The following AAGAB variants were observed in gnomAD, a reference collection of about 807,000 sequenced individuals.
AAGAB encodes the protein alpha- and gamma-adaptin-binding protein p34.
AAGAB carries 38 observed loss-of-function variants against 44.1 expected under a neutral mutation model. The ratio of observed to expected loss-of-function variants is 0.86; its 90% CI spans 0.67 to 1.13. AAGAB has a LOEUF of 1.13. Ranked by LOEUF, AAGAB falls within the 50% of genes most tolerant of loss-of-function variation. AAGAB has a pLI of 0.00. For missense variants in AAGAB, 450 were observed against 373.8 expected (o/e 1.20, Z -1.68); for synonymous variants, 131 against 131.8 (o/e 0.99, Z 0.04).
At chr15:67,251,233 T>C (rs1023782663) in intron 1 of AAGAB, among the ~76,000 whole-genome samples, 4 of 144,846 alleles carry the variant, frequency 2.8e-5, no homozygotes, top group Non-Finnish European at 6.0e-5. Flanking sequence ...TGTGTGTGTG[T>C]GTCTGTGTGT....
intron 5 of AAGAB, among the ~76,000 whole-genome samples, chr15:67,229,886 C>T (rs1056355097): frequency 6.6e-6 from 1 of 151,994 alleles, no homozygotes; most frequent in Non-Finnish European, 1.5e-5. Flanking sequence ...CTTGCTCTGT[C>T]GCCAGACTGG....
chr15:67,247,538 T>C (rs982914587), intron 1 of AAGAB, among the ~76,000 whole-genome samples: 1 of 152,218 alleles, frequency 6.6e-6, no homozygotes, highest in Non-Finnish European at 1.5e-5. Context: ...ATTTTCTGTA[T>C]CATAAGTGGT....
At chr15:67,254,868 C>T (rs752444584), upstream of AAGAB, 24 of 1,610,610 alleles carry the variant, frequency 1.5e-5, no homozygotes, top group Non-Finnish European at 1.6e-5. Flanking sequence ...ACCGCGCCTC[C>T]GCGGAGGTAG....
chr15:67,224,585 C>CT (rs892410820), intron 5 of AAGAB, among the ~76,000 whole-genome samples: 3,138 of 138,746 alleles, frequency 0.023, 89 homozygotes, highest in East Asian at 0.071. Context: ...TTTTTCTTTT[C>CT]TTTTTTTTTT....
In AAGAB at chr15:67,217,850, A is replaced by C. The variant is rs148834087; in HGVS notation, c.536-8306T>G. Among the ~76,000 whole-genome samples the C allele has an allele frequency of 2.7e-3, 411 of 152,328 alleles. 3 individuals are homozygous for C. The highest frequency in any genetic ancestry group is 9.4e-3 in the African/African-American group (390 of 41,582). On this transcript the variant is annotated intron_variant, in intron 5 of 9. Coordinates refer to ENST00000261880, the MANE Select transcript of AAGAB (RefSeq NM_024666.5). ...CACACCCAGCAGGTACACATTTCTT[A>C]GCCACTGCTCTGTACAGCAGGTGCA...
intron 1 of AAGAB, among the ~76,000 whole-genome samples, chr15:67,253,167 G>C (rs988417760): frequency 6.7e-6 from 1 of 150,182 alleles, no homozygotes; most frequent in Non-Finnish European, 1.5e-5. Flanking sequence ...ACTCACACCT[G>C]TAATCCCAGC....
At chr15:67,222,228 G>GCACA (rs1368084831) in intron 5 of AAGAB, among the ~76,000 whole-genome samples, 1 of 88,474 alleles carries the variant, frequency 1.1e-5, no homozygotes, top group African/African-American at 4.1e-5. Flanking sequence ...GCATGCACGC[G>GCACA]CACGCGCGCG....
intron 1 of AAGAB, among the ~76,000 whole-genome samples, chr15:67,253,953 A>C (rs1261280997): frequency 1.3e-5 from 2 of 152,162 alleles, no homozygotes; most frequent in African/African-American, 2.4e-5. Flanking sequence ...TTTAAGAGTT[A>C]GTAAGTCTGA....
At chr15:67,250,778 G>A (rs1964846238) in intron 1 of AAGAB, among the ~76,000 whole-genome samples, 1 of 152,068 alleles carries the variant, frequency 6.6e-6, no homozygotes, top group South Asian at 2.1e-4. Context: ...TGTAATCCCA[G>A]CACTTTGGGA....
intron 7 of AAGAB, 71 bp from the exon 8 acceptor site, chr15:67,204,219 CA>C (rs1315516811): frequency 8.5e-6 from 9 of 1,064,950 alleles, no homozygotes; most frequent in Middle Eastern, 2.0e-4. Context: ...AATCCTAAGG[CA>C]AATGCTAACC....
At chr15:67,217,530 G>C (rs1013452402) in intron 5 of AAGAB, among the ~76,000 whole-genome samples, 1 of 152,068 alleles carries the variant, frequency 6.6e-6, no homozygotes, top group African/African-American at 2.4e-5. Flanking sequence ...CTTGTGTTTA[G>C]GTACACATTT....
intron 5 of AAGAB, 54 bp from the exon 6 acceptor site, chr15:67,209,598 C>G: frequency 7.4e-7 from 1 of 1,359,652 alleles, no homozygotes; most frequent in South Asian, 1.2e-5. Context: ...TTAAACTGTT[C>G]AAATGGCTAT....
chr15:67,219,456 T>G (rs1964019729), intron 5 of AAGAB, among the ~76,000 whole-genome samples: 1 of 152,154 alleles, frequency 6.6e-6, no homozygotes, highest in African/African-American at 2.4e-5. Context: ...ACATGGTACA[T>G]GTACACCATG....
chr15:67,217,529 A>C (rs1963978016), intron 5 of AAGAB, among the ~76,000 whole-genome samples: 1 of 152,128 alleles, frequency 6.6e-6, no homozygotes, highest in Non-Finnish European at 1.5e-5. Flanking sequence ...CCTTGTGTTT[A>C]GGTACACATT....
At chr15:67,211,628 A>T (rs1198249917) in intron 5 of AAGAB, among the ~76,000 whole-genome samples, 1 of 152,228 alleles carries the variant, frequency 6.6e-6, no homozygotes, top group Non-Finnish European at 1.5e-5. Context: ...AGCTATTTGT[A>T]CAAAAGGCAA....
At chr15:67,213,880 T>C (rs1359990847) in intron 5 of AAGAB, among the ~76,000 whole-genome samples, 2 of 152,248 alleles carry the variant, frequency 1.3e-5, no homozygotes, top group Non-Finnish European at 2.9e-5. Flanking sequence ...CTACACACAA[T>C]AGAAATAAAC....
At chr15:67,212,028 C>T (rs1243398535) in intron 5 of AAGAB, among the ~76,000 whole-genome samples, 10 of 152,222 alleles carry the variant, frequency 6.6e-5, no homozygotes, top group African/African-American at 2.2e-4. Context: ...TACAGGCGCC[C>T]GCCACCACGC....
At chr15:67,208,411 C>T in intron 7 of AAGAB, 151 bp downstream of exon 7, 1 of 596,844 alleles carries the variant, frequency 1.7e-6, no homozygotes, top group South Asian at 2.2e-5. Context: ...TTTCTGATAG[C>T]CACTGGCAAG....
rs1595974186 is a variant in AAGAB, at chr15:67,201,006, A to T, written c.*1815T>A. The T allele has an allele frequency of 6.6e-6, 1 of 152,482 alleles. No homozygotes were observed. The highest frequency in any genetic ancestry group is 2.1e-4 in the South Asian group (1 of 4,826). 9.4% of individuals were successfully genotyped at this position (152,482 alleles called of 1,614,324 possible). Reference sequence around the variant, plus strand: ...CCCCCTAATAAAAAACCACAAAATCATAATAATAGACATTAGCACAGTTTA... The same window carrying T: ...CCCCCTAATAAAAAACCACAAAATCTTAATAATAGACATTAGCACAGTTTA... On this transcript the variant is annotated 3_prime_UTR_variant, in exon 10 of 10. Transcript: ENST00000261880.
Sources: allele counts gnomAD v4.1 joint callset (sites outside exome capture counted in the v4.1 genomes callset), GRCh38; gene constraint gnomAD v4.1.1; transcripts MANE v1.5; gene names NCBI Gene and HGNC (gene_info 2026-07-23, HGNC 2026-07-21).